The following XKR9 variants were observed in gnomAD, a reference collection of about 807,000 sequenced individuals.
The protein encoded by XKR9 is XK-related protein 9.
In XKR9, 32 loss-of-function variants were observed where a neutral mutation model predicts 32.0. That is an observed-to-expected ratio of 1.00 (90% CI 0.76 to 1.34). XKR9 has a LOEUF of 1.34. Among genes scored for constraint, XKR9 ranks in the 40% most tolerant of loss-of-function variants. XKR9 has a pLI of 0.00. For missense variants in XKR9, 546 were observed against 429.7 expected, an observed-to-expected ratio of 1.27 and a Z score of -2.39; for synonymous variants, 168 against 143.4, an observed-to-expected ratio of 1.17 and a Z score of -1.22.
the XKR9 span, among the ~76,000 whole-genome samples, chr8:71,038,351 C>T: frequency 0.12 from 17,034 of 143,644 alleles, 1,385 homozygotes; most frequent in African/African-American, 0.23. Flanking sequence ...GACACAGTCT[C>T]GCTCCATCAC....
downstream of XKR9, among the ~76,000 whole-genome samples, chr8:70,793,196 T>C (rs1469094771): frequency 6.6e-6 from 1 of 152,088 alleles, no homozygotes; most frequent in East Asian, 1.9e-4. Context: ...TCTTCTCTCA[T>C]AGAATGCTTC....
the XKR9 span, among the ~76,000 whole-genome samples, chr8:70,862,521 T>C: frequency 6.6e-6 from 1 of 151,828 alleles, no homozygotes; most frequent in Non-Finnish European, 1.5e-5. Context: ...GCTTTGAATG[T>C]AATTGTTCTT....
the XKR9 span, among the ~76,000 whole-genome samples, chr8:70,889,593 A>G: frequency 6.6e-6 from 1 of 151,754 alleles, no homozygotes; most frequent in African/African-American, 2.4e-5. Flanking sequence ...TATGGTTGCC[A>G]TCTTTATGTC....
chr8:71,003,657 G>C, the XKR9 span, among the ~76,000 whole-genome samples: 1 of 152,122 alleles, frequency 6.6e-6, no homozygotes, highest in Non-Finnish European at 1.5e-5. Flanking sequence ...AGCATATTTA[G>C]GCACTTGATA....
chr8:70,828,525 G>C, the XKR9 span, among the ~76,000 whole-genome samples: 252 of 151,742 alleles, frequency 1.7e-3, no homozygotes, highest in African/African-American at 6.0e-3. Flanking sequence ...GGAGTTCGAG[G>C]CCAGCCTGAT....
the XKR9 span, among the ~76,000 whole-genome samples, chr8:70,912,938 A>G: frequency 6.6e-6 from 1 of 152,196 alleles, no homozygotes; most frequent in African/African-American, 2.4e-5. Flanking sequence ...AACAAAGAAT[A>G]CTAACCTTTC....
At chr8:70,817,978 G>A in the XKR9 span, among the ~76,000 whole-genome samples, 1 of 152,202 alleles carries the variant, frequency 6.6e-6, no homozygotes, top group African/African-American at 2.4e-5. Context: ...TGGGTTAAAG[G>A]TTTAGATGTA....
chr8:70,890,714 G>C, the XKR9 span, among the ~76,000 whole-genome samples: 2 of 151,854 alleles, frequency 1.3e-5, no homozygotes, highest in Admixed American at 1.3e-4. Flanking sequence ...CTAGTATTTT[G>C]CTGAGGATTT....
the XKR9 span, among the ~76,000 whole-genome samples, chr8:71,036,562 C>T: frequency 1.3e-5 from 2 of 152,072 alleles, no homozygotes; most frequent in South Asian, 4.1e-4. Context: ...CTGGGTGAAA[C>T]TGGACAGTCC....
the XKR9 span, among the ~76,000 whole-genome samples, chr8:70,968,111 T>C: frequency 6.6e-6 from 1 of 152,218 alleles, no homozygotes; most frequent in Non-Finnish European, 1.5e-5. Flanking sequence ...TAATCCCATA[T>C]GTCTTGGAAA....
the XKR9 span, among the ~76,000 whole-genome samples, chr8:70,809,518 C>T: frequency 6.6e-6 from 1 of 152,090 alleles, no homozygotes; most frequent in African/African-American, 2.4e-5. Context: ...GAAGTTCGAG[C>T]CCATGGCGAA....
chr8:70,788,500 G>A (rs1807721216), intron 2 of XKR9, among the ~76,000 whole-genome samples: 1 of 150,804 alleles, frequency 6.6e-6, no homozygotes, highest in South Asian at 2.1e-4. Context: ...ATCATTGAAA[G>A]ACTTTGCAGG....
At chr8:70,778,576 A>G (rs1270409721) in intron 2 of XKR9, among the ~76,000 whole-genome samples, 1 of 152,202 alleles carries the variant, frequency 6.6e-6, no homozygotes, top group African/African-American at 2.4e-5. Flanking sequence ...CTTCCTATCC[A>G]TGAGCATGGA....
the XKR9 span, among the ~76,000 whole-genome samples, chr8:70,862,386 G>A: frequency 6.6e-6 from 1 of 151,678 alleles, no homozygotes; most frequent in African/African-American, 2.4e-5. Context: ...AGACTCCATG[G>A]CACTGGCAAA....
At chr8:71,056,893 T>G in the XKR9 span, among the ~76,000 whole-genome samples, 3 of 152,194 alleles carry the variant, frequency 2.0e-5, no homozygotes, top group Non-Finnish European at 4.4e-5. Flanking sequence ...TCCCCAATTA[T>G]GCATTTGACT....
chr8:70,838,148 T>C, the XKR9 span, among the ~76,000 whole-genome samples: 1 of 152,096 alleles, frequency 6.6e-6, no homozygotes, highest in Non-Finnish European at 1.5e-5. Context: ...AAGAGATGAT[T>C]GTTGAATATA....
intron 2 of XKR9, among the ~76,000 whole-genome samples, chr8:70,782,627 A>G (rs752757412): frequency 6.6e-6 from 1 of 152,028 alleles, no homozygotes. Context: ...CTTTGCTTCT[A>G]TAAGTTTGAT....
chr8:70,917,101 C>T, the XKR9 span, among the ~76,000 whole-genome samples: 16 of 152,030 alleles, frequency 1.1e-4, no homozygotes, highest in African/African-American at 3.6e-4. Context: ...TTATTCTTAC[C>T]TTTACTCCAG....
chr8:70,970,549 A>G, the XKR9 span, among the ~76,000 whole-genome samples: 1 of 152,044 alleles, frequency 6.6e-6, no homozygotes, highest in African/African-American at 2.4e-5. Flanking sequence ...TCTCCCACTT[A>G]TGAATGAGAA....
Sources: allele counts gnomAD v4.1 joint callset (sites outside exome capture counted in the v4.1 genomes callset), GRCh38; gene constraint gnomAD v4.1.1; transcripts MANE v1.5; gene names NCBI Gene and HGNC (gene_info 2026-07-23, HGNC 2026-07-21).